CSMD1: variants seen among roughly 807,000 people sequenced by gnomAD.
CSMD1 encodes the protein CUB and sushi domain-containing protein 1.
CSMD1 carries 213 observed loss-of-function variants against 417.5 expected under a neutral mutation model. That is an observed-to-expected ratio of 0.51 (90% CI 0.46 to 0.57). CSMD1 has a LOEUF of 0.57. Ranked by LOEUF, CSMD1 falls within the 20% of genes least tolerant of loss-of-function variation. The pLI is 0.00. For missense variants in CSMD1, 6,923 were observed against 4,529.7 expected, an observed-to-expected ratio of 1.53 and a Z score of -15.17; for synonymous variants, 2,862 against 1,736.8, an observed-to-expected ratio of 1.65 and a Z score of -16.11.
At chr8:3,403,401 C>G (rs564915005) in intron 15 of CSMD1, among the ~76,000 whole-genome samples, 1 of 152,198 alleles carries the variant, frequency 6.6e-6, no homozygotes, top group Non-Finnish European at 1.5e-5. Flanking sequence ...TCCATCGGAG[C>G]GTCCCCTACC....
intron 7 of CSMD1, among the ~76,000 whole-genome samples, chr8:3,676,989 A>G (rs558582199): frequency 6.6e-6 from 1 of 152,058 alleles, no homozygotes; most frequent in South Asian, 2.1e-4. Context: ...AACATCATGG[A>G]CCGGGGCCTG....
chr8:3,033,206 T>G (rs10087866), intron 50 of CSMD1, among the ~76,000 whole-genome samples: 83,896 of 151,828 alleles, frequency 0.55, 23,618 homozygotes, highest in Non-Finnish European at 0.58. Flanking sequence ...TGACCACACA[T>G]TTTCACAGTG....
At chr8:4,809,828 C>T (rs1275481621) in intron 1 of CSMD1, among the ~76,000 whole-genome samples, 1 of 152,130 alleles carries the variant, frequency 6.6e-6, no homozygotes, top group Admixed American at 6.5e-5. Flanking sequence ...TCATTGTGGA[C>T]CACCTGCATG....
chr8:3,238,468 A>G (rs13269373), intron 26 of CSMD1, among the ~76,000 whole-genome samples: 127,112 of 151,900 alleles, frequency 0.84, 54,124 homozygotes, highest in Non-Finnish European at 0.92. Context: ...CTGGGACGGC[A>G]AAAATTTTTG....
chr8:4,795,960 G>A (rs764990975), intron 1 of CSMD1, among the ~76,000 whole-genome samples: 1 of 152,144 alleles, frequency 6.6e-6, no homozygotes, highest in African/African-American at 2.4e-5. Flanking sequence ...TTGATATTAT[G>A]TTATTTCTTT....
intron 3 of CSMD1, among the ~76,000 whole-genome samples, chr8:4,341,202 A>C (rs1040056893): frequency 3.3e-5 from 5 of 152,074 alleles, no homozygotes; most frequent in Non-Finnish European, 7.4e-5. Flanking sequence ...ATCTGCAATG[A>C]AGGCAAGTTT....
chr8:4,210,823 G>C (rs539342021), intron 3 of CSMD1, among the ~76,000 whole-genome samples: 3 of 152,184 alleles, frequency 2.0e-5, no homozygotes, highest in East Asian at 3.9e-4. Context: ...ATCAGTCTTG[G>C]AAAGAATCAT....
chr8:4,023,573 T>C (rs1395382085), intron 4 of CSMD1, among the ~76,000 whole-genome samples: 2 of 144,706 alleles, frequency 1.4e-5, no homozygotes, highest in African/African-American at 5.1e-5. Flanking sequence ...GAATGCTTAC[T>C]GCTTTTCAAC....
chr8:3,387,760 A>G, intron 17 of CSMD1, 78 bp from the exon 18 acceptor site: 3 of 1,148,408 alleles, frequency 2.6e-6, no homozygotes, highest in Non-Finnish European at 3.7e-6. Flanking sequence ...GCCATCAACT[A>G]CGAAATAGTC....
chr8:3,563,578 C>G (rs1419771350), intron 10 of CSMD1, among the ~76,000 whole-genome samples: 2 of 150,162 alleles, frequency 1.3e-5, no homozygotes. Context: ...AAAAACAAAA[C>G]AAAAACACAA....
chr8:3,013,300 G>T (rs1414267328), intron 52 of CSMD1, among the ~76,000 whole-genome samples: 5 of 152,122 alleles, frequency 3.3e-5, no homozygotes, highest in African/African-American at 9.7e-5. Context: ...ACAGATGTCA[G>T]CATGGTCTTC....
intron 2 of CSMD1, among the ~76,000 whole-genome samples, chr8:4,469,562 T>A (rs1585129189): frequency 6.6e-6 from 1 of 152,184 alleles, no homozygotes; most frequent in Non-Finnish European, 1.5e-5. Context: ...AAACCTATTC[T>A]TTCAGTAGCT....
At chr8:4,383,304 G>C (rs1029804790) in intron 3 of CSMD1, among the ~76,000 whole-genome samples, 1 of 152,126 alleles carries the variant, frequency 6.6e-6, no homozygotes, top group East Asian at 1.9e-4. Context: ...AATGTTAGGC[G>C]GTGGGCATGG....
At chr8:4,823,210 T>C (rs1236214634) in intron 1 of CSMD1, among the ~76,000 whole-genome samples, 2 of 152,098 alleles carry the variant, frequency 1.3e-5, no homozygotes, top group African/African-American at 4.8e-5. Flanking sequence ...TTAGGTTTAA[T>C]CCAAATGTCT....
intron 1 of CSMD1, among the ~76,000 whole-genome samples, chr8:4,963,246 G>A (rs986224810): frequency 2.6e-4 from 40 of 152,050 alleles, no homozygotes; most frequent in African/African-American, 8.9e-4. Flanking sequence ...TGTCACGCAG[G>A]CTGGAGTGCA....
intron 5 of CSMD1, among the ~76,000 whole-genome samples, chr8:3,915,567 C>A (rs755772482): frequency 6.6e-6 from 1 of 151,404 alleles, no homozygotes; most frequent in Non-Finnish European, 1.5e-5. Flanking sequence ...ATGAATAATT[C>A]TATAATAGTC....
intron 3 of CSMD1, among the ~76,000 whole-genome samples, chr8:4,047,188 G>C (rs1288221950): frequency 6.6e-5 from 10 of 152,196 alleles, no homozygotes; most frequent in Non-Finnish European, 1.5e-4. Flanking sequence ...TGCTGGGCCA[G>C]ATGCTCTGTA....
At chr8:3,050,346 G>C (rs1212453708) in intron 50 of CSMD1, among the ~76,000 whole-genome samples, 2 of 152,136 alleles carry the variant, frequency 1.3e-5, no homozygotes. Flanking sequence ...CAGTTTTTCA[G>C]GGTTTTTATG....
chr8:4,409,232 G>A (rs986019435), intron 3 of CSMD1, among the ~76,000 whole-genome samples: 1 of 152,154 alleles, frequency 6.6e-6, no homozygotes, highest in African/African-American at 2.4e-5. Flanking sequence ...AAATTCGAAT[G>A]CATTTTTACC....
Sources: gnomAD v4.1 joint callset for allele counts (sites outside exome capture counted in the v4.1 genomes callset) on GRCh38, gnomAD v4.1.1 for gene constraint, MANE v1.5 for transcripts, NCBI Gene and HGNC (gene_info 2026-07-23, HGNC 2026-07-21) for gene names.